B3GAT2: variants seen among roughly 807,000 people sequenced by gnomAD.
The protein encoded by B3GAT2 is galactosylgalactosylxylosylprotein 3-beta-glucuronosyltransferase 2.
B3GAT2 carries 26 observed loss-of-function variants against 27.8 expected under a neutral mutation model. The observed-to-expected ratio is 0.93, with a 90% confidence interval of 0.68 to 1.30. The LOEUF is 1.30. Ranked by LOEUF, B3GAT2 falls within the 50% of genes most tolerant of loss-of-function variation. The pLI is 0.00. For missense variants in B3GAT2, 458 were observed against 459.0 expected (o/e 1.00, Z 0.02); for synonymous variants, 218 against 195.1 (o/e 1.12, Z -0.98).
At chr6:70,893,917 G>A (rs1244245662) in intron 2 of B3GAT2, among the ~76,000 whole-genome samples, 5 of 151,962 alleles carry the variant, frequency 3.3e-5, no homozygotes, top group African/African-American at 1.2e-4. Flanking sequence ...GAACAGAAAG[G>A]GCATTTTCTA....
chr6:70,906,681 C>T (rs1275037857), intron 1 of B3GAT2, among the ~76,000 whole-genome samples: 3 of 152,160 alleles, frequency 2.0e-5, no homozygotes, highest in Non-Finnish European at 4.4e-5. Context: ...ACTTTTTCCT[C>T]ATGCAAGGAA....
intron 1 of B3GAT2, among the ~76,000 whole-genome samples, chr6:70,933,506 C>T (rs1464581284): frequency 6.6e-6 from 1 of 152,134 alleles, no homozygotes; most frequent in Admixed American, 6.6e-5. Context: ...GGCTGCAGCT[C>T]CTCTGATAGA....
In B3GAT2 at chr6:70,858,644, G is replaced by A. The variant is rs1236459736; in HGVS notation, c.*3019C>T. 2 of 155,202 alleles carry A rather than the reference G, an allele frequency of 1.3e-5. No homozygotes were observed. Among genetic ancestry groups the A allele is most frequent in the African/African-American group, 4.8e-5 (2 of 41,406 alleles). 9.6% of individuals were successfully genotyped at this position (155,202 alleles called of 1,614,324 possible). On this transcript the variant is annotated 3_prime_UTR_variant, in exon 4 of 4. Transcript: ENST00000230053. ...AACTTAGCTTCACTAATAATTTTAG[G>A]ATCTTTTATTAGAAAATAAAAATCT...
chr6:70,857,734 G>T lies in B3GAT2; in HGVS notation c.*3929C>A, dbSNP rs1771492092. ...ATTTACTCAGGTTAATAACTGATTT[G>T]TCTGCATCCTAGAAACAACCAGCTC... On this transcript the variant is annotated 3_prime_UTR_variant, in exon 4 of 4. Coordinates refer to ENST00000230053, the MANE Select transcript of B3GAT2 (RefSeq NM_080742.3). 6.7e-6 allele frequency: 4 copies of T among 596,960 alleles called. No homozygotes were observed. The East Asian group carries it at 1.1e-4, about 17-fold the overall frequency. The allele number at this position is 596,960 out of a possible 1,614,324, so 37.0% of individuals were successfully genotyped here.
intron 1 of B3GAT2, among the ~76,000 whole-genome samples, chr6:70,904,152 G>C (rs2460691): frequency 0.45 from 68,240 of 151,898 alleles, 16,012 homozygotes; most frequent in East Asian, 0.66. Flanking sequence ...GCCTCATATA[G>C]TGTTATTCCA....
At chr6:70,889,377 A>G (rs1772246716) in intron 2 of B3GAT2, among the ~76,000 whole-genome samples, 1 of 152,142 alleles carries the variant, frequency 6.6e-6, no homozygotes. Flanking sequence ...GCATTTCTTA[A>G]GAGTTGTCTC....
chr6:70,878,240 T>A (rs1772045502), intron 2 of B3GAT2, among the ~76,000 whole-genome samples: 2 of 152,228 alleles, frequency 1.3e-5, no homozygotes, highest in Non-Finnish European at 2.9e-5. Flanking sequence ...ATCTGTCAGA[T>A]TTAGATAAGT....
In B3GAT2 at chr6:70,956,936, C is replaced by G; in HGVS notation, c.-507G>C. 9.9e-7 allele frequency: 1 copy of G among 1,013,282 alleles called. No individual in the cohort carries two copies. The highest frequency in any genetic ancestry group is 4.0e-5 in the South Asian group (1 of 24,894). 62.8% of individuals were successfully genotyped at this position (1,013,282 alleles called of 1,614,324 possible). ...GGGGCTTTCCTTCCTCACATTCCCG[C>G]CGGGGTGGCGAGGAGCGGGTGGAGA... On this transcript the variant is annotated 5_prime_UTR_variant, in exon 1 of 4. Coordinates refer to ENST00000230053, the MANE Select transcript of B3GAT2 (RefSeq NM_080742.3).
chr6:70,903,302 T>A (rs957967941), intron 1 of B3GAT2, among the ~76,000 whole-genome samples: 30 of 152,058 alleles, frequency 2.0e-4, no homozygotes, highest in Non-Finnish European at 5.9e-5. Flanking sequence ...GGTCTTAGGG[T>A]AGGCAAAACT....
rs180704972 is a variant in B3GAT2 at position 70,862,161 on chromosome 6, A to G, written c.737-183T>C. 6.0e-3 allele frequency: 3,655 copies of G among 611,508 alleles called. 15 individuals carry two copies. Among genetic ancestry groups the G allele is most frequent in the Non-Finnish European group, 8.5e-3 (3,027 of 355,370 alleles). The allele number at this position is 611,508 out of a possible 1,614,324, so 37.9% of individuals were successfully genotyped here. ...GTCTCAAAGGAAAATCAGTCATTACAATATTTTACATTCCGTGTAAAATAA... is the reference window on the plus strand; with the variant it reads ...GTCTCAAAGGAAAATCAGTCATTACGATATTTTACATTCCGTGTAAAATAA... On this transcript the variant is annotated intron_variant, in intron 2 of 3. Coordinates refer to ENST00000230053, the MANE Select transcript of B3GAT2 (RefSeq NM_080742.3).
chr6:70,859,211 A>G lies in B3GAT2; in HGVS notation c.*2452T>C, dbSNP rs1004094040. ...AAACATTGGTCTCTACCCGCTGGGA[A>G]TCTAAAAAATTGTATGTGCTAAGTG... On this transcript the variant is annotated 3_prime_UTR_variant, in exon 4 of 4. Coordinates refer to ENST00000230053, the MANE Select transcript of B3GAT2 (RefSeq NM_080742.3). 1.3e-5 allele frequency: 8 copies of G among 623,944 alleles called. No individual in the cohort carries two copies. Among genetic ancestry groups the G allele is most frequent in the Admixed American group, 3.3e-5 (1 of 29,894 alleles). The allele number at this position is 623,944 out of a possible 1,614,324, so 38.7% of individuals were successfully genotyped here.
At position 70,937,979 on chromosome 6, in the gene B3GAT2, G is replaced by T. The variant is rs566430450; in HGVS notation, c.591+17860C>A. Among the ~76,000 whole-genome samples, 43 of 151,358 alleles carry T rather than the reference G, an allele frequency of 2.8e-4. 1 individual carries two copies. Among genetic ancestry groups the T allele is most frequent in the Non-Finnish European group, 5.6e-4 (38 of 67,772 alleles). On this transcript the variant is annotated intron_variant, in intron 1 of 3. Transcript: ENST00000230053. ...AGTCAAATTGTCCCTGTTTGCAGAC[G>T]ACATGATTGTATATCTACAAAACCC...
intron 1 of B3GAT2, among the ~76,000 whole-genome samples, chr6:70,933,940 G>A (rs1161291187): frequency 1.3e-5 from 2 of 152,168 alleles, no homozygotes; most frequent in East Asian, 3.9e-4. Flanking sequence ...TTATTATCAG[G>A]TCCTATGAGG....
chr6:70,860,131 TG>T lies in B3GAT2; in HGVS notation c.*1531del. 6.7e-7 allele frequency: 1 copy of T among 1,492,924 alleles called. No individual in the cohort carries two copies. Among genetic ancestry groups the T allele is most frequent in the Middle Eastern group, 1.8e-4 (1 of 5,540 alleles). 92.5% of individuals were successfully genotyped at this position (1,492,924 alleles called of 1,614,324 possible). On this transcript the variant is annotated 3_prime_UTR_variant, in exon 4 of 4. Coordinates refer to ENST00000230053, the MANE Select transcript of B3GAT2 (RefSeq NM_080742.3). ...ACATTAATGAAAAAATGACCAACTG[TG>T]TGGCTAAAGAAACAAGAATTAAAAG... is the stretch of plus-strand genomic sequence containing the variant.
chr6:70,923,959 C>A (rs1246970037), intron 1 of B3GAT2, among the ~76,000 whole-genome samples: 1 of 152,050 alleles, frequency 6.6e-6, no homozygotes, highest in Admixed American at 6.6e-5. Flanking sequence ...TGACATTTTT[C>A]AGAGACAGAA....
Position 70,861,671 on chromosome 6 carries a change from C to CAA in B3GAT2, c.962_963dup (p.Glu322LeufsTer60), listed in dbSNP as rs1562211018. ...CCAGTTGCTGCTTCAATTTATACCT[C>CAA]AATTTTCACTGTGTCCAGGTGGTAC... On this transcript the variant is annotated frameshift_variant, in exon 4 of 4. Transcript: ENST00000230053. LOFTEE classifies it high-confidence loss of function. 6.2e-7 allele frequency: 1 copy of CAA among 1,613,502 alleles called. No homozygotes were observed. The highest frequency in any genetic ancestry group is 8.5e-7 in the Non-Finnish European group (1 of 1,179,486).
At chr6:70,907,232 C>T (rs1466196467) in intron 1 of B3GAT2, among the ~76,000 whole-genome samples, 1 of 152,162 alleles carries the variant, frequency 6.6e-6, no homozygotes, top group East Asian at 1.9e-4. Flanking sequence ...GCCTGGCAGT[C>T]CTGGCCATCA....
chr6:70,878,334 A>G (rs750652387), intron 2 of B3GAT2, among the ~76,000 whole-genome samples: 4 of 152,166 alleles, frequency 2.6e-5, no homozygotes, highest in Non-Finnish European at 5.9e-5. Flanking sequence ...GGACTCATTG[A>G]TAACTCATAC....
chr6:70,916,020 C>A (rs981230423), intron 1 of B3GAT2, among the ~76,000 whole-genome samples: 1 of 152,064 alleles, frequency 6.6e-6, no homozygotes, highest in Non-Finnish European at 1.5e-5. Flanking sequence ...TAGTGATTCT[C>A]CCTATCCATG....
Sources: gnomAD v4.1 joint callset for allele counts (sites outside exome capture counted in the v4.1 genomes callset) on GRCh38, gnomAD v4.1.1 for gene constraint, MANE v1.5 for transcripts, NCBI Gene and HGNC (gene_info 2026-07-23, HGNC 2026-07-21) for gene names.